Variants in SCNN1B observed in about 807,000 individuals in gnomAD.
The protein encoded by SCNN1B is epithelial sodium channel subunit beta.
A neutral mutation model predicts 65.3 loss-of-function variants in SCNN1B; 46 were observed. That is an observed-to-expected ratio of 0.70 (90% confidence interval 0.56 to 0.90). The LOEUF (loss-of-function observed/expected upper bound fraction) is 0.90. Among genes scored for constraint, SCNN1B ranks in the 40% least tolerant of loss-of-function variants. SCNN1B has a pLI of 0.00. For synonymous variants in SCNN1B, 349 were observed against 330.6 expected, an observed-to-expected ratio of 1.06 and a Z score of -0.60; for missense variants, 751 against 830.5, an observed-to-expected ratio of 0.90 and a Z score of 1.18.
At chr16:23,365,564 AAAG>A (rs1430173094) in intron 4 of SCNN1B, among the ~76,000 whole-genome samples, 1 of 81,784 alleles carries the variant, frequency 1.2e-5, no homozygotes, top group Non-Finnish European at 2.1e-5. Flanking sequence ...AAAGAGAAAG[AAAG>A]AAAGAAAGAA....
At chr16:23,305,864 C>T (rs1961206300) in intron 1 of SCNN1B, among the ~76,000 whole-genome samples, 1 of 152,058 alleles carries the variant, frequency 6.6e-6, no homozygotes, top group Middle Eastern at 3.2e-3. Flanking sequence ...TGGCCCACCC[C>T]TCATTCATAA....
At chr16:23,370,897 G>A (rs768177557) in intron 5 of SCNN1B, among the ~76,000 whole-genome samples, 1 of 152,224 alleles carries the variant, frequency 6.6e-6, no homozygotes, top group Non-Finnish European at 1.5e-5. Flanking sequence ...CAGCATTCCA[G>A]AGTGAGGGAA....
At chr16:23,354,322 AG>A (rs2142021494) in intron 3 of SCNN1B, among the ~76,000 whole-genome samples, 1 of 152,348 alleles carries the variant, frequency 6.6e-6, no homozygotes, top group East Asian at 1.9e-4. Context: ...TACTTCCCCA[AG>A]GGGAGGCAGG....
chr16:23,323,001 A>T (rs954268254), intron 1 of SCNN1B, among the ~76,000 whole-genome samples: 4 of 151,688 alleles, frequency 2.6e-5, no homozygotes, highest in African/African-American at 9.7e-5. Flanking sequence ...CCTGGCCAAC[A>T]TGGTGAAATC....
chr16:23,290,386 C>T (rs560329059), intron 2 of SCNN1B, among the ~76,000 whole-genome samples: 16 of 152,320 alleles, frequency 1.1e-4, no homozygotes, highest in East Asian at 3.9e-4. Context: ...TGGCTCACTG[C>T]AGCCTCAACC....
intron 10 of SCNN1B, 36 bp downstream of exon 10, chr16:23,377,422 C>T (rs1429675462): frequency 6.2e-7 from 1 of 1,609,598 alleles, no homozygotes; most frequent in Non-Finnish European, 8.5e-7. Context: ...TGGCTCCCAC[C>T]TTTGGCTGGG....
Position 23,375,822 on chromosome 16 carries a change from A to G in SCNN1B, c.1237A>G (p.Lys413Glu), listed in dbSNP as rs764621295. 6.2e-7 allele frequency: 1 copy of G among 1,613,724 alleles called. No homozygotes were observed. Among genetic ancestry groups the G allele is most frequent in the Non-Finnish European group, 8.5e-7 (1 of 1,179,642 alleles). ...HYLYPLPRGE[K>E]YCNNRDFPDW... Reference sequence around the variant, plus strand: ...CCTGTACCCACTGCCCCGTGGGGAGAAATACTGCAACAACCGGGACTTCCC... The same window carrying G: ...CCTGTACCCACTGCCCCGTGGGGAGGAATACTGCAACAACCGGGACTTCCC... Residue 413 changes from lysine to glutamate, a missense_variant, in exon 8 of 13, where the codon AAA (lysine) becomes GAA (glutamate). Lys to Glu is a moderately conservative substitution (Grantham distance 56, BLOSUM62 1). Transcript: ENST00000343070.
chr16:23,316,167 T>C (rs1353035237), intron 1 of SCNN1B, among the ~76,000 whole-genome samples: 2 of 147,078 alleles, frequency 1.4e-5, no homozygotes, highest in Non-Finnish European at 3.0e-5. Context: ...ATCACCACCA[T>C]CATCATCATC....
rs554246658 is a variant in SCNN1B, at chr16:23,353,470, A to G, written c.585+396A>G. Among the ~76,000 whole-genome samples the G allele has an allele frequency of 1.7e-4, 26 of 152,208 alleles. No individual in the cohort carries two copies. In the South Asian group the frequency reaches 5.2e-3, roughly 30 times the overall value. ...TCTCTCCATGTGGAGGGATCCCCTC[A>G]GTGCCCTTGCTTAGCAGTGGTCCCA... On this transcript the variant is annotated intron_variant, in intron 3 of 12. Coordinates refer to ENST00000343070, the MANE Select transcript of SCNN1B (RefSeq NM_000336.3).
At chr16:23,282,841 C>A (rs1340246753) in intron 1 of SCNN1B, among the ~76,000 whole-genome samples, 1 of 152,192 alleles carries the variant, frequency 6.6e-6, no homozygotes, top group Non-Finnish European at 1.5e-5. Flanking sequence ...CAAGTACAGC[C>A]CTGCCTCTGA....
chr16:23,300,112 G>A (rs552449095), upstream of SCNN1B, among the ~76,000 whole-genome samples: 5 of 152,252 alleles, frequency 3.3e-5, no homozygotes, highest in South Asian at 2.1e-4. Context: ...AACACTGCAT[G>A]TTCTCACTCA....
chr16:23,368,735 T>C (rs1177070965), intron 5 of SCNN1B, among the ~76,000 whole-genome samples: 1 of 152,234 alleles, frequency 6.6e-6, no homozygotes, highest in Non-Finnish European at 1.5e-5. Flanking sequence ...GAATGCTCCA[T>C]ATATGCTGAG....
chr16:23,303,674 G>T (rs1307535690), intron 1 of SCNN1B, among the ~76,000 whole-genome samples: 3 of 151,936 alleles, frequency 2.0e-5, no homozygotes, highest in African/African-American at 7.3e-5. Context: ...TGCAACCCTT[G>T]GGAGGCTGAG....
At chr16:23,347,873 C>T (rs190705090) in intron 1 of SCNN1B, among the ~76,000 whole-genome samples, 2 of 152,136 alleles carry the variant, frequency 1.3e-5, no homozygotes, top group Non-Finnish European at 1.5e-5. Context: ...TGCGCCACTG[C>T]GCTCTAGGCT....
intron 4 of SCNN1B, among the ~76,000 whole-genome samples, chr16:23,362,723 C>G (rs1296971063): frequency 3.3e-5 from 5 of 152,350 alleles, no homozygotes; most frequent in South Asian, 2.1e-4. Flanking sequence ...CAGGAGGGGA[C>G]CTGGCCACAC....
At chr16:23,315,111 C>T (rs1246301538) in intron 1 of SCNN1B, among the ~76,000 whole-genome samples, 3 of 151,998 alleles carry the variant, frequency 2.0e-5, no homozygotes, top group Admixed American at 6.5e-5. Flanking sequence ...CCAAGGCGGG[C>T]GGATCACCTG....
chr16:23,308,617 T>C (rs1961271405), intron 1 of SCNN1B, among the ~76,000 whole-genome samples: 1 of 151,162 alleles, frequency 6.6e-6, no homozygotes, highest in Non-Finnish European at 1.5e-5. Flanking sequence ...TATTTTATTT[T>C]ATTTCATCTT....
At chr16:23,305,238 C>T (rs2141979397) in intron 1 of SCNN1B, among the ~76,000 whole-genome samples, 1 of 152,046 alleles carries the variant, frequency 6.6e-6, no homozygotes, top group East Asian at 1.9e-4. Flanking sequence ...CTTTGGAATA[C>T]AAGAGATAGC....
chr16:23,282,193 G>T (rs900615786), intron 1 of SCNN1B, among the ~76,000 whole-genome samples: 1 of 152,030 alleles, frequency 6.6e-6, no homozygotes, highest in Non-Finnish European at 1.5e-5. Context: ...CACGTACCAC[G>T]ACTGCACTTG....
Sources: gnomAD v4.1 joint callset for allele counts (sites outside exome capture counted in the v4.1 genomes callset) on GRCh38, gnomAD v4.1.1 for gene constraint, MANE v1.5 for transcripts, NCBI Gene and HGNC (gene_info 2026-07-23, HGNC 2026-07-21) for gene names.